The following CDH18 variants were observed in gnomAD, a reference collection of about 807,000 sequenced individuals.
CDH18 encodes cadherin 18.
Under a neutral mutation model 67.9 loss-of-function variants are expected in CDH18, and 31 were observed. The observed-to-expected ratio is 0.46, with a 90% CI of 0.34 to 0.62. CDH18 has a LOEUF of 0.62. Among genes scored for constraint, CDH18 ranks in the 20% least tolerant of loss-of-function variants. The pLI is 0.01. For synonymous variants in CDH18, 362 were observed against 347.2 expected, an observed-to-expected ratio of 1.04 and a Z score of -0.48; for missense variants, 890 against 975.5, an observed-to-expected ratio of 0.91 and a Z score of 1.17.
At chr5:20,506,090 G>C (rs148975628) in intron 1 of CDH18, among the ~76,000 whole-genome samples, 122 of 152,306 alleles carry the variant, frequency 8.0e-4, no homozygotes, top group Middle Eastern at 3.4e-3. Flanking sequence ...AATTCAGTTA[G>C]ACACACAAAA....
At chr5:19,963,558 T>A (rs746012416) in intron 2 of CDH18, among the ~76,000 whole-genome samples, 1 of 151,988 alleles carries the variant, frequency 6.6e-6, no homozygotes, top group Non-Finnish European at 1.5e-5. Context: ...AAAGGGCTTT[T>A]TCTCCTTTTG....
intron 2 of CDH18, among the ~76,000 whole-genome samples, chr5:19,844,859 C>T (rs1016645912): frequency 1.3e-5 from 2 of 152,170 alleles, no homozygotes; most frequent in Non-Finnish European, 2.9e-5. Flanking sequence ...TTTCCTACTT[C>T]TCCCTAAACC....
At chr5:20,053,284 A>T (rs561143657) in intron 2 of CDH18, among the ~76,000 whole-genome samples, 1 of 151,252 alleles carries the variant, frequency 6.6e-6, no homozygotes, top group South Asian at 2.1e-4. Flanking sequence ...AGATATATAT[A>T]TATGATATAT....
chr5:20,297,990 T>G (rs1747670288), intron 1 of CDH18, among the ~76,000 whole-genome samples: 1 of 152,206 alleles, frequency 6.6e-6, no homozygotes, highest in African/African-American at 2.4e-5. Flanking sequence ...GCATCTGTCT[T>G]GCCGACTTAT....
At chr5:19,573,765 T>A (rs1257146028) in intron 7 of CDH18, among the ~76,000 whole-genome samples, 1 of 152,198 alleles carries the variant, frequency 6.6e-6, no homozygotes. Flanking sequence ...TGGACAAAAA[T>A]GGTCCCTCTT....
chr5:20,335,582 G>T (rs1739650041), intron 1 of CDH18, among the ~76,000 whole-genome samples: 1 of 152,084 alleles, frequency 6.6e-6, no homozygotes, highest in Non-Finnish European at 1.5e-5. Context: ...AAGTCCCAGG[G>T]ACACCTTAGC....
At chr5:19,964,929 T>C (rs116600596) in intron 2 of CDH18, among the ~76,000 whole-genome samples, 1,845 of 152,234 alleles carry the variant, frequency 0.012, 54 homozygotes, top group African/African-American at 0.042. Flanking sequence ...TTAAATAGCA[T>C]GATATTGAAA....
intron 2 of CDH18, among the ~76,000 whole-genome samples, chr5:20,136,563 T>C (rs1019454381): frequency 6.6e-6 from 1 of 152,228 alleles, no homozygotes; most frequent in Non-Finnish European, 1.5e-5. Context: ...ATGTATCTTT[T>C]AATTGGAGCA....
rs115743994 is a variant in CDH18, at chr5:20,289,214, A to G, written c.-579-33709T>C. Among the ~76,000 whole-genome samples the G allele has an allele frequency of 1.0e-3, 156 of 152,182 alleles. 1 individual carries two copies. Among genetic ancestry groups the G allele is most frequent in the African/African-American group, 3.6e-3 (150 of 41,562 alleles). On this transcript the variant is annotated intron_variant, in intron 1 of 14. Coordinates refer to the CDH18 transcript ENST00000507958. The stretch of plus-strand genomic sequence containing the variant: ...TATTAGCTCACTTCTTCTTTAAAAT[A>G]TATAGTAACTCATTTAATATTCAAA...
At chr5:20,167,578 G>T (rs933272587) in intron 2 of CDH18, among the ~76,000 whole-genome samples, 1 of 152,278 alleles carries the variant, frequency 6.6e-6, no homozygotes, top group South Asian at 2.1e-4. Flanking sequence ...AGGCAATGGC[G>T]TTAGTTTGGG....
intron 1 of CDH18, among the ~76,000 whole-genome samples, chr5:20,456,820 A>AT (rs1393567498): frequency 2.0e-5 from 3 of 152,118 alleles, no homozygotes; most frequent in Non-Finnish European, 4.4e-5. Context: ...AGCTGCCTAG[A>AT]TTTTTTGTAG....
intron 1 of CDH18, among the ~76,000 whole-genome samples, chr5:20,328,294 G>A (rs533261463): frequency 6.6e-6 from 1 of 152,262 alleles, no homozygotes; most frequent in South Asian, 2.1e-4. Flanking sequence ...AAGGGATGAA[G>A]GCATTGACCA....
At chr5:19,657,693 A>G (rs980008030) in intron 5 of CDH18, among the ~76,000 whole-genome samples, 3 of 152,282 alleles carry the variant, frequency 2.0e-5, no homozygotes, top group East Asian at 3.9e-4. Flanking sequence ...CCAATTGAAA[A>G]GCAAAATATC....
chr5:20,291,401 G>C (rs1432671510), intron 1 of CDH18, among the ~76,000 whole-genome samples: 5 of 152,126 alleles, frequency 3.3e-5, no homozygotes, highest in Non-Finnish European at 7.4e-5. Context: ...ATGGTCTTAA[G>C]GGTGATGGTG....
Position 20,438,789 on chromosome 5 carries a change from T to A in CDH18, c.-580+136673A>T, listed in dbSNP as rs571080251. Among the ~76,000 whole-genome samples the A allele has an allele frequency of 5.4e-4, 82 of 151,556 alleles. 1 individual carries two copies. Among genetic ancestry groups the A allele is most frequent in the African/African-American group, 1.9e-3 (79 of 41,244 alleles). The stretch of plus-strand genomic sequence containing the variant: ...TCACTCTGTTTTCTATCCCAGTCTT[T>A]CCACCTGTTCCACCAAAATGTTTTC... On this transcript the variant is annotated intron_variant, in intron 1 of 14. Coordinates refer to the CDH18 transcript ENST00000507958.
chr5:20,175,782 C>T (rs1737184579), intron 2 of CDH18, among the ~76,000 whole-genome samples: 1 of 152,102 alleles, frequency 6.6e-6, no homozygotes, highest in South Asian at 2.1e-4. Flanking sequence ...GCTTTATATT[C>T]TAGCCTCACT....
At chr5:19,774,118 G>A (rs1774020562) in intron 3 of CDH18, among the ~76,000 whole-genome samples, 1 of 152,112 alleles carries the variant, frequency 6.6e-6, no homozygotes, top group Non-Finnish European at 1.5e-5. Context: ...AAGAGGTGAT[G>A]AAAAAGCTAG....
chr5:20,320,792 T>C (rs1393084064), intron 1 of CDH18, among the ~76,000 whole-genome samples: 1 of 152,128 alleles, frequency 6.6e-6, no homozygotes, highest in African/African-American at 2.4e-5. Context: ...ACTGGCTCTT[T>C]CCTGTGGCCC....
intron 1 of CDH18, among the ~76,000 whole-genome samples, chr5:20,283,035 T>C (rs772767872): frequency 7.2e-5 from 11 of 152,216 alleles, no homozygotes; most frequent in East Asian, 1.9e-4. Context: ...ATCTCTTCAA[T>C]AGATAGTGCC....
Sources: allele counts gnomAD v4.1 joint callset (sites outside exome capture counted in the v4.1 genomes callset), GRCh38; gene constraint gnomAD v4.1.1; transcripts MANE v1.5; gene names NCBI Gene and HGNC (gene_info 2026-07-23, HGNC 2026-07-21).